The following PTPRQ variants were observed in gnomAD, a reference collection of about 807,000 sequenced individuals.
PTPRQ encodes phosphatidylinositol phosphatase PTPRQ.
In PTPRQ, 199 loss-of-function variants were observed where a neutral mutation model predicts 246.0. The ratio of observed to expected loss-of-function variants is 0.81; its 90% CI spans 0.72 to 0.91. The LOEUF (loss-of-function observed/expected upper bound fraction) is 0.91, where lower values mean the gene tolerates loss of function less well. Among genes scored for constraint, PTPRQ ranks in the 40% least tolerant of loss-of-function variants. The probability of loss-of-function intolerance (pLI) is 0.00; values close to 1 mark genes in which losing one functional copy is unlikely to be tolerated. For missense variants in PTPRQ, 2,624 were observed against 2,528.4 expected (o/e 1.04, Z -0.81); for synonymous variants, 869 against 853.2 (o/e 1.02, Z -0.32).
chr12:80,540,042 T>C lies in PTPRQ; in HGVS notation c.3154+98T>C, dbSNP rs1454182800. On this transcript the variant is annotated intron_variant, in intron 20 of 44. Coordinates refer to ENST00000644991, the MANE Select transcript of PTPRQ (RefSeq NM_001145026.2). ...TGTTTGAATTTGTAATAACATCTTT[T>C]ATTTAGACACGTTCATTATAGGAGT... 2.8e-5 allele frequency: 29 copies of C among 1,041,926 alleles called. 2 individuals carry two copies. The highest frequency in any genetic ancestry group is 1.6e-5 in the Non-Finnish European group (12 of 770,246). 64.5% of individuals were successfully genotyped at this position (1,041,926 alleles called of 1,614,324 possible).
At chr12:80,514,033 A>G (rs1895203669) in intron 17 of PTPRQ, among the ~76,000 whole-genome samples, 1 of 152,174 alleles carries the variant, frequency 6.6e-6, no homozygotes, top group Non-Finnish European at 1.5e-5. Flanking sequence ...GAGAAAAAAC[A>G]AAGTCTTCTT....
chr12:80,506,331 TA>T (rs1372606330), intron 15 of PTPRQ, 125 bp downstream of exon 15: 1 of 1,112,348 alleles, frequency 9.0e-7, no homozygotes, highest in East Asian at 2.7e-5. Context: ...TCTTTTTGGT[TA>T]AATAAGCTAG....
chr12:80,487,008 CT>C (rs1299544902), intron 9 of PTPRQ, among the ~76,000 whole-genome samples: 6 of 152,098 alleles, frequency 3.9e-5, no homozygotes, highest in African/African-American at 1.4e-4. Context: ...TATTTTCTAA[CT>C]TTTTAGTGAA....
chr12:80,449,171 T>C (rs1442238285), intron 3 of PTPRQ, among the ~76,000 whole-genome samples: 2 of 151,448 alleles, frequency 1.3e-5, no homozygotes, highest in African/African-American at 2.4e-5. Flanking sequence ...CATAAATGTC[T>C]TCTTTTGAGA....
intron 30 of PTPRQ, 61 bp downstream of exon 30, chr12:80,616,327 C>T: frequency 1.4e-6 from 2 of 1,409,244 alleles, no homozygotes; most frequent in South Asian, 1.6e-5. Context: ...ATTTAAATTC[C>T]ATACTTGAAA....
intron 35 of PTPRQ, among the ~76,000 whole-genome samples, chr12:80,640,324 T>G (rs1214093746): frequency 6.6e-6 from 1 of 152,206 alleles, no homozygotes; most frequent in Non-Finnish European, 1.5e-5. Context: ...AATTTTTGAC[T>G]GATATATGAA....
intron 26 of PTPRQ, among the ~76,000 whole-genome samples, chr12:80,590,509 A>C (rs1428870496): frequency 6.6e-6 from 1 of 151,812 alleles, no homozygotes; most frequent in African/African-American, 2.4e-5. Context: ...CTACTAAAAA[A>C]TACAAAAAAT....
At chr12:80,669,954 A>G (rs1428966502) in intron 41 of PTPRQ, among the ~76,000 whole-genome samples, 1 of 152,062 alleles carries the variant, frequency 6.6e-6, no homozygotes, top group African/African-American at 2.4e-5. Context: ...CACACAGAAG[A>G]TGATATAAGG....
intron 26 of PTPRQ, among the ~76,000 whole-genome samples, chr12:80,602,690 A>G (rs1898182972): frequency 6.6e-6 from 1 of 151,752 alleles, no homozygotes; most frequent in South Asian, 2.1e-4. Context: ...TCTTCATACC[A>G]TCACATTGGC....
intron 8 of PTPRQ, among the ~76,000 whole-genome samples, chr12:80,480,470 A>G (rs945965928): frequency 6.7e-6 from 1 of 149,950 alleles, no homozygotes; most frequent in African/African-American, 2.5e-5. Flanking sequence ...AGAACTAGAA[A>G]AGCAAGAGCA....
In PTPRQ at chr12:80,657,845, A is replaced by G. The variant is rs73150798; in HGVS notation, c.6116-140A>G. On this transcript the variant is annotated intron_variant, in intron 38 of 44. Coordinates refer to ENST00000644991, the MANE Select transcript of PTPRQ (RefSeq NM_001145026.2). ...CTCTGGGTGGTAGAAATATGGGAGAAGAAATAACTTTTTAAAATTTACCGC... is the reference window on the plus strand; with the variant it reads ...CTCTGGGTGGTAGAAATATGGGAGAGGAAATAACTTTTTAAAATTTACCGC... 0.061 allele frequency: 30,363 copies of G among 493,834 alleles called. 1,232 individuals carry two copies. The highest frequency in any genetic ancestry group is 0.074 in the Non-Finnish European group (22,545 of 305,416). The allele number at this position is 493,834 out of a possible 1,614,324, so 30.6% of individuals were successfully genotyped here.
chr12:80,452,448 T>C (rs1018188483), intron 3 of PTPRQ, among the ~76,000 whole-genome samples: 1 of 152,238 alleles, frequency 6.6e-6, no homozygotes, highest in Non-Finnish European at 1.5e-5. Flanking sequence ...TTGATGCAGT[T>C]TCTTCCTAGC....
At chr12:80,455,693 C>A (rs948720132) in intron 3 of PTPRQ, among the ~76,000 whole-genome samples, 1 of 151,908 alleles carries the variant, frequency 6.6e-6, no homozygotes. Context: ...CAGGTTCACG[C>A]CATTCTCCTG....
At chr12:80,504,744 C>T (rs896135598) in intron 14 of PTPRQ, among the ~76,000 whole-genome samples, 1 of 151,838 alleles carries the variant, frequency 6.6e-6, no homozygotes, top group Non-Finnish European at 1.5e-5. Flanking sequence ...GAGGTTTCTT[C>T]AGGGTACATA....
chr12:80,669,467 A>T lies in PTPRQ; in HGVS notation c.6453+3A>T, dbSNP rs1038807030. 9.1e-7 allele frequency: 1 copy of T among 1,102,428 alleles called. No homozygotes were observed. The highest frequency in any genetic ancestry group is 1.2e-6 in the Non-Finnish European group (1 of 842,140). The allele number at this position is 1,102,428 out of a possible 1,614,324, so 68.3% of individuals were successfully genotyped here. ...TCAGGGATCTGAAAATTGAAAGGGT[A>T]AAAAAAAAAGGGGGGGACGAGAGAA... is the stretch of plus-strand genomic sequence containing the variant. On this transcript the variant is annotated splice_donor_region_variant and intron_variant, in intron 41 of 44. Transcript: ENST00000644991.
At chr12:80,501,455 C>G (rs1197748549) in intron 14 of PTPRQ, among the ~76,000 whole-genome samples, 1 of 151,808 alleles carries the variant, frequency 6.6e-6, no homozygotes, top group Non-Finnish European at 1.5e-5. Flanking sequence ...CTGTTTGCAA[C>G]ATGTTTGAAA....
chr12:80,471,578 C>T (rs905889639), intron 7 of PTPRQ, among the ~76,000 whole-genome samples: 2 of 57,590 alleles, frequency 3.5e-5, no homozygotes, highest in Admixed American at 2.0e-4. Flanking sequence ...CCCGGGTTCA[C>T]GCCATTCTCC....
At chr12:80,589,846 T>C (rs1897734741) in intron 26 of PTPRQ, among the ~76,000 whole-genome samples, 1 of 152,196 alleles carries the variant, frequency 6.6e-6, no homozygotes, top group Non-Finnish European at 1.5e-5. Context: ...GCTGAATTAT[T>C]CTCAGCAAAT....
Position 80,484,602 on chromosome 12 carries a change from T to C in PTPRQ, c.1356T>C (p.Asn452=), listed in dbSNP as rs1894211815. ...AAAATACTTTGCTCACTGGAAATAA[T>C]GAGGTATTGCATTTTTATTTCACTT... ...ILENTLLTGN[N]EYINDPMAPE... Residue 452 remains asparagine, a synonymous_variant, in exon 9 of 45, where the codon AAT becomes AAC. Coordinates refer to ENST00000644991, the MANE Select transcript of PTPRQ (RefSeq NM_001145026.2). 2.6e-6 allele frequency: 4 copies of C among 1,550,000 alleles called. No individual in the cohort carries two copies. Among genetic ancestry groups the C allele is most frequent in the South Asian group, 2.4e-5 (2 of 83,650 alleles).
Sources: allele counts gnomAD v4.1 joint callset (sites outside exome capture counted in the v4.1 genomes callset), GRCh38; gene constraint gnomAD v4.1.1; transcripts MANE v1.5; gene names NCBI Gene and HGNC (gene_info 2026-07-23, HGNC 2026-07-21).